PSIP1: variants seen among roughly 807,000 people sequenced by gnomAD.
PSIP1 encodes PC4 and SRSF1 interacting protein 1, also known as PC4 and SFRS1-interacting protein.
In PSIP1, 19 loss-of-function variants were observed where a neutral mutation model predicts 74.7. The observed-to-expected ratio is 0.25, with a 90% CI of 0.18 to 0.37. The LOEUF (loss-of-function observed/expected upper bound fraction) is 0.37, where lower values mean the gene tolerates loss of function less well. Ranked by LOEUF, PSIP1 falls within the 10% of genes least tolerant of loss-of-function variation. PSIP1 has a pLI of 1.00. For missense variants in PSIP1, 601 were observed against 614.3 expected, an observed-to-expected ratio of 0.98 and a Z score of 0.23; for synonymous variants, 222 against 195.3, an observed-to-expected ratio of 1.14 and a Z score of -1.14.
chr9:15,479,818 G>C (rs1192858951), intron 6 of PSIP1, 131 bp from the exon 7 acceptor site: 6 of 505,372 alleles, frequency 1.2e-5, no homozygotes, highest in East Asian at 3.4e-5. Context: ...ATGATCTTTT[G>C]TTTTTTCAAC....
intron 8 of PSIP1, among the ~76,000 whole-genome samples, chr9:15,478,061 T>C (rs1199638652): frequency 6.6e-6 from 1 of 150,776 alleles, no homozygotes; most frequent in Non-Finnish European, 1.5e-5. Context: ...GCCCAGGAGT[T>C]TGAGGTTACA....
intron 5 of PSIP1, among the ~76,000 whole-genome samples, 165 bp from the exon 6 acceptor site, chr9:15,486,233 G>A (rs930693713): frequency 4.6e-5 from 7 of 152,198 alleles, no homozygotes; most frequent in Non-Finnish European, 8.8e-5. Flanking sequence ...ACATTATAAA[G>A]TGAGAAAAAT....
intron 6 of PSIP1, among the ~76,000 whole-genome samples, chr9:15,482,890 T>A (rs112109006): frequency 1.1e-4 from 17 of 152,314 alleles, no homozygotes; most frequent in African/African-American, 4.1e-4. Context: ...CACCTGAAAG[T>A]ATCCTAGAGC....
intron 3 of PSIP1, among the ~76,000 whole-genome samples, chr9:15,494,612 T>TA (rs1205044928): frequency 2.4e-5 from 3 of 122,620 alleles, no homozygotes; most frequent in Non-Finnish European, 3.5e-5. Context: ...CACACATATA[T>TA]AAAAAATCAG....
chr9:15,488,496 C>T (rs1022734435), intron 4 of PSIP1, among the ~76,000 whole-genome samples: 9 of 152,176 alleles, frequency 5.9e-5, no homozygotes, highest in Non-Finnish European at 1.2e-4. Context: ...TCATAAAGAC[C>T]TCTCATAGCC....
chr9:15,506,328 G>T, intron 3 of PSIP1: 1 of 372,568 alleles, frequency 2.7e-6, no homozygotes, highest in Non-Finnish European at 4.9e-6. Flanking sequence ...CATTCTTATT[G>T]CTCAGAGAAT....
intron 3 of PSIP1, among the ~76,000 whole-genome samples, chr9:15,500,528 G>C (rs1410970402): frequency 6.6e-6 from 1 of 152,062 alleles, no homozygotes; most frequent in Non-Finnish European, 1.5e-5. Context: ...AAATTTAAGA[G>C]AAACCATACA....
chr9:15,510,396 AGGGGAACCGGCGGGTGGGGGTGGG>A, intron 1 of PSIP1, 67 bp from the exon 2 acceptor site: 1 of 8,916 alleles, frequency 1.1e-4, no homozygotes, highest in East Asian at 4.0e-3. Flanking sequence ...GGGGAGGGGG[AGGGGAACCGGCGGGTGGGGGTGGG>A]AGAGCGAGGG....
intron 3 of PSIP1, among the ~76,000 whole-genome samples, chr9:15,497,861 CTTA>C (rs2037156756): frequency 6.6e-6 from 1 of 152,154 alleles, no homozygotes; most frequent in South Asian, 2.1e-4. Flanking sequence ...TTTCAGCCCA[CTTA>C]TTTGTATATA....
intron 3 of PSIP1, among the ~76,000 whole-genome samples, chr9:15,492,904 G>T (rs2036901682): frequency 6.6e-6 from 1 of 152,174 alleles, no homozygotes; most frequent in Non-Finnish European, 1.5e-5. Flanking sequence ...TGGGACACAG[G>T]GCACCAAGTC....
chr9:15,494,081 A>C (rs2036961583), intron 3 of PSIP1, among the ~76,000 whole-genome samples: 1 of 152,226 alleles, frequency 6.6e-6, no homozygotes. Flanking sequence ...AGCAACAGGA[A>C]AATGGAACTG....
At chr9:15,465,669 A>C in intron 15 of PSIP1, 89 bp from the exon 16 acceptor site, 3 of 1,131,362 alleles carry the variant, frequency 2.7e-6, no homozygotes, top group Non-Finnish European at 3.8e-6. Flanking sequence ...ATATTTTTAA[A>C]CCCATGAAAA....
At position 15,502,566 on chromosome 9, in the gene PSIP1, G is replaced by A. The variant is rs367835890; in HGVS notation, c.149+3995C>T. The stretch of plus-strand genomic sequence containing the variant: ...TGGGACTACAGACATGTCCCAGTGT[G>A]CCCAACTTAGGACATTATTTACAGA... On this transcript the variant is annotated intron_variant, in intron 3 of 15. Transcript: ENST00000380733. 3.3e-5 allele frequency among the ~76,000 whole-genome samples: 5 copies of A among 152,350 alleles called. No individual in the cohort carries two copies. The East Asian group carries it at 9.6e-4, about 29-fold the overall frequency.
chr9:15,488,831 C>T (rs528569177), intron 4 of PSIP1, among the ~76,000 whole-genome samples: 1 of 151,994 alleles, frequency 6.6e-6, no homozygotes, highest in Non-Finnish European at 1.5e-5. Flanking sequence ...ACCATCCTGG[C>T]TAACACGGTG....
chr9:15,496,507 T>G (rs1423923410), intron 3 of PSIP1, among the ~76,000 whole-genome samples: 1 of 152,234 alleles, frequency 6.6e-6, no homozygotes, highest in Non-Finnish European at 1.5e-5. Flanking sequence ...TCATAAAATG[T>G]AATGTTTACA....
intron 8 of PSIP1, among the ~76,000 whole-genome samples, chr9:15,474,686 C>T (rs962475637): frequency 6.6e-6 from 1 of 152,136 alleles, no homozygotes; most frequent in African/African-American, 2.4e-5. Flanking sequence ...TTCACAGACA[C>T]CACTAAAACA....
chr9:15,471,693 T>C, intron 10 of PSIP1: 10 of 962,768 alleles, frequency 1.0e-5, no homozygotes, highest in Non-Finnish European at 1.2e-5. Context: ...TTGTATATCC[T>C]CCAAACTAAG....
chr9:15,499,875 C>CAA (rs559078122), intron 3 of PSIP1, among the ~76,000 whole-genome samples: 42 of 68,302 alleles, frequency 6.1e-4, no homozygotes, highest in African/African-American at 1.2e-3. Flanking sequence ...GACTCTGTCT[C>CAA]AAAAAAAAAA....
intron 3 of PSIP1, among the ~76,000 whole-genome samples, chr9:15,494,565 C>CAAAAAAAAAAAAAAAAAAAAA (rs57170853): frequency 2.7e-5 from 1 of 37,530 alleles, no homozygotes; most frequent in Non-Finnish European, 4.6e-5. Flanking sequence ...AACTGCATCT[C>CAAAAAAAAAAAAAAAAAAAAA]AAAAAAAAAA....
Sources: allele counts gnomAD v4.1 joint callset (sites outside exome capture counted in the v4.1 genomes callset), GRCh38; gene constraint gnomAD v4.1.1; transcripts MANE v1.5; gene names NCBI Gene and HGNC (gene_info 2026-07-23, HGNC 2026-07-21).